The following DSCAM variants were observed in gnomAD, a reference collection of about 807,000 sequenced individuals.
DSCAM encodes the protein cell adhesion molecule DSCAM.
DSCAM carries 47 observed loss-of-function variants against 217.7 expected under a neutral mutation model. That is an observed-to-expected ratio of 0.22 (90% CI 0.17 to 0.28). The LOEUF (loss-of-function observed/expected upper bound fraction) is 0.28, where lower values mean the gene tolerates loss of function less well. Among genes scored for constraint, DSCAM ranks in the 10% least tolerant of loss-of-function variants. The probability of loss-of-function intolerance (pLI) is 1.00; values close to 1 mark genes in which losing one functional copy is unlikely to be tolerated. For missense variants in DSCAM, 2,080 were observed against 2,618.3 expected (o/e 0.79, Z 4.49); for synonymous variants, 1,056 against 1,015.3 (o/e 1.04, Z -0.76).
chr21:40,828,902 C>G (rs1310516942), intron 1 of DSCAM, among the ~76,000 whole-genome samples: 1 of 152,198 alleles, frequency 6.6e-6, no homozygotes, highest in Non-Finnish European at 1.5e-5. Context: ...AGGTGATCCA[C>G]CCGCCTCGGC....
intron 1 of DSCAM, among the ~76,000 whole-genome samples, chr21:40,822,364 A>G (rs955633439): frequency 6.8e-6 from 1 of 147,332 alleles, no homozygotes; most frequent in African/African-American, 2.5e-5. Context: ...TAGAATGATC[A>G]GGAGCTCATT....
chr21:40,245,854 AG>A (rs2073216945), intron 11 of DSCAM, among the ~76,000 whole-genome samples: 1 of 152,178 alleles, frequency 6.6e-6, no homozygotes, highest in Admixed American at 6.5e-5. Flanking sequence ...GATAAGATCC[AG>A]GTTCCTGTTC....
intron 3 of DSCAM, among the ~76,000 whole-genome samples, chr21:40,564,143 GA>G (rs2076747604): frequency 6.6e-6 from 1 of 152,104 alleles, no homozygotes; most frequent in South Asian, 2.1e-4. Flanking sequence ...CCTAAATATG[GA>G]AAAAGAAATC....
chr21:40,462,479 A>G (rs2075813709), intron 3 of DSCAM, among the ~76,000 whole-genome samples: 1 of 152,180 alleles, frequency 6.6e-6, no homozygotes, highest in Non-Finnish European at 1.5e-5. Flanking sequence ...AGGCATCCAA[A>G]ATGTTACTGC....
At chr21:40,414,653 T>C (rs1330567338) in intron 3 of DSCAM, among the ~76,000 whole-genome samples, 1 of 152,202 alleles carries the variant, frequency 6.6e-6, no homozygotes, top group Admixed American at 6.5e-5. Context: ...TAACAATGAG[T>C]GCAACCTGCA....
chr21:40,837,019 G>A (rs544290683), intron 1 of DSCAM, among the ~76,000 whole-genome samples: 44 of 152,156 alleles, frequency 2.9e-4, no homozygotes, highest in Middle Eastern at 3.2e-3. Flanking sequence ...CCAGAACACC[G>A]GGGTGTTGAG....
intron 4 of DSCAM, among the ~76,000 whole-genome samples, chr21:40,359,368 T>C (rs542787773): frequency 2.0e-5 from 3 of 152,310 alleles, no homozygotes; most frequent in African/African-American, 4.8e-5. Flanking sequence ...GTTTATTTTT[T>C]CCCCAGGTGT....
chr21:40,118,165 A>G (rs2089994180), intron 20 of DSCAM, among the ~76,000 whole-genome samples: 1 of 152,216 alleles, frequency 6.6e-6, no homozygotes, highest in Admixed American at 6.5e-5. Flanking sequence ...GCACTAGGAA[A>G]TAACATGCTC....
At chr21:40,667,817 A>G (rs2090221860) in intron 3 of DSCAM, among the ~76,000 whole-genome samples, 1 of 152,126 alleles carries the variant, frequency 6.6e-6, no homozygotes, top group Non-Finnish European at 1.5e-5. Context: ...AGCCATGTGA[A>G]ACTGTGAGTC....
chr21:40,081,228 C>A (rs888632104), intron 24 of DSCAM, among the ~76,000 whole-genome samples: 13 of 152,168 alleles, frequency 8.5e-5, no homozygotes, highest in Non-Finnish European at 1.6e-4. Flanking sequence ...CCTTCTCCAC[C>A]CTGGCTAGCT....
chr21:40,281,108 T>TG (rs35999187), intron 10 of DSCAM, among the ~76,000 whole-genome samples: 61,146 of 151,958 alleles, frequency 0.4, 12,543 homozygotes, highest in African/African-American at 0.44. Context: ...CCTACAGAAA[T>TG]GGAAGCTATT....
At chr21:40,241,861 T>C (rs762364395) in intron 11 of DSCAM, among the ~76,000 whole-genome samples, 29 of 151,926 alleles carry the variant, frequency 1.9e-4, no homozygotes, top group Non-Finnish European at 3.5e-4. Flanking sequence ...ATCGATGGAG[T>C]TGAAGGCCAT....
At chr21:40,684,022 C>G (rs1013372488) in intron 3 of DSCAM, among the ~76,000 whole-genome samples, 2 of 150,718 alleles carry the variant, frequency 1.3e-5, no homozygotes, top group Admixed American at 6.6e-5. Flanking sequence ...GTCAGGAGAT[C>G]GAGACCATCC....
chr21:40,123,168 A>G (rs2090053600), intron 20 of DSCAM, among the ~76,000 whole-genome samples: 1 of 151,904 alleles, frequency 6.6e-6, no homozygotes. Context: ...TTCGTGTTTA[A>G]TGGGGACAGA....
intron 19 of DSCAM, among the ~76,000 whole-genome samples, chr21:40,128,090 A>C: frequency 6.7e-6 from 1 of 148,410 alleles, no homozygotes; most frequent in African/African-American, 2.5e-5. Flanking sequence ...CTCTGTTGAG[A>C]CTCTTCTTCA....
At chr21:40,603,258 GTGAATAGA>G (rs1309169964) in intron 3 of DSCAM, among the ~76,000 whole-genome samples, 2 of 151,994 alleles carry the variant, frequency 1.3e-5, no homozygotes, top group African/African-American at 4.8e-5. Flanking sequence ...TATAGTCTTG[GTGAATAGA>G]CCATGTGAAT....
chr21:40,680,017 T>G (rs116460098), intron 3 of DSCAM, among the ~76,000 whole-genome samples: 2,964 of 152,144 alleles, frequency 0.019, 114 homozygotes, highest in African/African-American at 0.066. Context: ...ATAATAATAA[T>G]AAGAAGAAGA....
chr21:40,698,861 A>C (rs7279285), intron 2 of DSCAM, among the ~76,000 whole-genome samples: 142,675 of 142,822 alleles, frequency 1, 71,264 homozygotes, highest in Non-Finnish European at 1. Flanking sequence ...CAGAGCGAGA[A>C]TCCGTCTTAA....
At chr21:40,341,241 G>A (rs1952683236) in intron 6 of DSCAM, among the ~76,000 whole-genome samples, 1 of 152,170 alleles carries the variant, frequency 6.6e-6, no homozygotes, top group Admixed American at 6.5e-5. Flanking sequence ...TAATTTTACA[G>A]AGAAGTTAGA....
Sources: gnomAD v4.1 joint callset for allele counts (sites outside exome capture counted in the v4.1 genomes callset) on GRCh38, gnomAD v4.1.1 for gene constraint, MANE v1.5 for transcripts, NCBI Gene and HGNC (gene_info 2026-07-23, HGNC 2026-07-21) for gene names.